The following MAGI2 variants were observed in gnomAD, a reference collection of about 807,000 sequenced individuals.
MAGI2 encodes membrane associated guanylate kinase, WW and PDZ domain containing 2, also known as membrane-associated guanylate kinase, WW and PDZ domain-containing protein 2.
Under a neutral mutation model 133.3 loss-of-function variants are expected in MAGI2, and 35 were observed. The ratio of observed to expected loss-of-function variants is 0.26; its 90% CI spans 0.20 to 0.35. The LOEUF is 0.35. MAGI2 is among the 10% of genes least tolerant of loss of function. The probability of loss-of-function intolerance (pLI) is 1.00; values close to 1 mark genes in which losing one functional copy is unlikely to be tolerated. For synonymous variants in MAGI2, 729 were observed against 710.6 expected, an observed-to-expected ratio of 1.03 and a Z score of -0.41; for missense variants, 1,636 against 1,863.4, an observed-to-expected ratio of 0.88 and a Z score of 2.25.
intron 2 of MAGI2, among the ~76,000 whole-genome samples, chr7:78,660,977 G>A (rs1812888881): frequency 6.6e-6 from 1 of 152,070 alleles, no homozygotes; most frequent in South Asian, 2.1e-4. Flanking sequence ...CTTGTTTCTT[G>A]AGACTCGTTT....
intron 10 of MAGI2, among the ~76,000 whole-genome samples, chr7:78,251,126 A>G (rs958894320): frequency 5.9e-5 from 9 of 152,204 alleles, no homozygotes; most frequent in African/African-American, 1.7e-4. Context: ...AATAAAGGAC[A>G]AAAACTACCA....
At chr7:79,189,312 CAAAAAAA>C (rs34814587) in intron 1 of MAGI2, among the ~76,000 whole-genome samples, 14 of 74,312 alleles carry the variant, frequency 1.9e-4, no homozygotes, top group South Asian at 5.3e-4. Context: ...TTTTTATAGG[CAAAAAAA>C]AAAAAAAAAA....
chr7:78,918,324 A>G (rs191020645), intron 2 of MAGI2, among the ~76,000 whole-genome samples: 9 of 152,300 alleles, frequency 5.9e-5, no homozygotes, highest in Middle Eastern at 3.4e-3. Context: ...TACCATATCT[A>G]TGATGATAAC....
rs181368484 is a variant in MAGI2, at chr7:78,837,135, A to G, written c.418+169955T>C. Among the ~76,000 whole-genome samples the G allele has an allele frequency of 1.1e-4, 17 of 152,286 alleles. No homozygotes were observed. The East Asian group carries it at 3.1e-3, about 28-fold the overall frequency. ...GTGATCAGCCTAAACAGCAGAGTCA[A>G]GATGTGGGCCTCAGCCTTGTTAACT... On this transcript the variant is annotated intron_variant, in intron 2 of 21. Coordinates refer to ENST00000354212, the MANE Select transcript of MAGI2 (RefSeq NM_012301.4).
At chr7:79,171,743 A>ATATATAT (rs1554394140) in intron 1 of MAGI2, among the ~76,000 whole-genome samples, 329 of 29,294 alleles carry the variant, frequency 0.011, 51 homozygotes, top group African/African-American at 0.015. Flanking sequence ...AATAGCCAAA[A>ATATATAT]ATATATATAT....
chr7:78,259,085 G>A (rs1258696777), intron 9 of MAGI2, among the ~76,000 whole-genome samples: 1 of 152,130 alleles, frequency 6.6e-6, no homozygotes, highest in Non-Finnish European at 1.5e-5. Context: ...TGTGATCATA[G>A]TTTTGATTTG....
intron 6 of MAGI2, among the ~76,000 whole-genome samples, chr7:78,386,428 A>G (rs570437920): frequency 6.6e-6 from 1 of 152,294 alleles, no homozygotes; most frequent in East Asian, 1.9e-4. Context: ...AATCGAAAAC[A>G]TGATGCCTGC....
chr7:78,107,388 T>C (rs1466514021), intron 20 of MAGI2, among the ~76,000 whole-genome samples: 1 of 152,146 alleles, frequency 6.6e-6, no homozygotes, highest in African/African-American at 2.4e-5. Context: ...CTGAAGAATG[T>C]CATTGGTATT....
At chr7:79,060,803 G>T (rs1813657300) in intron 1 of MAGI2, among the ~76,000 whole-genome samples, 1 of 151,968 alleles carries the variant, frequency 6.6e-6, no homozygotes, top group African/African-American at 2.4e-5. Flanking sequence ...GCTATTTTGG[G>T]CTTCATATGA....
intron 3 of MAGI2, among the ~76,000 whole-genome samples, chr7:78,601,722 G>T (rs1805229647): frequency 6.6e-6 from 1 of 152,100 alleles, no homozygotes; most frequent in African/African-American, 2.4e-5. Flanking sequence ...ACAAATCAAA[G>T]AAGTCCAAAT....
chr7:78,863,397 T>C (rs887737224), intron 2 of MAGI2, among the ~76,000 whole-genome samples: 3 of 152,056 alleles, frequency 2.0e-5, no homozygotes, highest in African/African-American at 4.8e-5. Flanking sequence ...GGGGAGCCAG[T>C]GTGTGCAGAG....
chr7:79,032,670 T>G (rs913155692), intron 1 of MAGI2, among the ~76,000 whole-genome samples: 2 of 152,020 alleles, frequency 1.3e-5, no homozygotes, highest in Non-Finnish European at 2.9e-5. Context: ...ATCTGTAGCT[T>G]TCAGGGAATC....
intron 2 of MAGI2, among the ~76,000 whole-genome samples, chr7:78,886,300 T>G (rs908129611): frequency 6.6e-6 from 1 of 152,220 alleles, no homozygotes; most frequent in Admixed American, 6.5e-5. Flanking sequence ...TAAATAGACT[T>G]TGTATTCATT....
At chr7:78,134,799 T>G (rs761097361) in intron 17 of MAGI2, 53 of 477,740 alleles carry the variant, frequency 1.1e-4, no homozygotes, top group Non-Finnish European at 1.7e-4. Context: ...CAATGTCACA[T>G]AGCTTGACCT....
chr7:79,418,574 T>C (rs1846704903), intron 1 of MAGI2, among the ~76,000 whole-genome samples: 1 of 151,994 alleles, frequency 6.6e-6, no homozygotes, highest in Admixed American at 6.6e-5. Context: ...AAGCTGTGGT[T>C]GCTGCCATCT....
intron 10 of MAGI2, among the ~76,000 whole-genome samples, chr7:78,240,028 C>A (rs1210591894): frequency 6.6e-6 from 1 of 151,608 alleles, no homozygotes; most frequent in South Asian, 2.1e-4. Context: ...TACATGTGCA[C>A]AACGTGCAGG....
intron 1 of MAGI2, among the ~76,000 whole-genome samples, chr7:79,138,917 A>G (rs1821857697): frequency 6.7e-6 from 1 of 148,282 alleles, no homozygotes; most frequent in Admixed American, 6.9e-5. Flanking sequence ...CGGAGCTTGC[A>G]GTGAGCCAAG....
chr7:79,319,061 A>T (rs1441086362), intron 1 of MAGI2, among the ~76,000 whole-genome samples: 1 of 152,176 alleles, frequency 6.6e-6, no homozygotes, highest in Non-Finnish European at 1.5e-5. Flanking sequence ...ATGTGAATCT[A>T]TTGGTATCTC....
chr7:78,103,069 T>C (rs148780197), intron 20 of MAGI2, among the ~76,000 whole-genome samples: 52 of 152,336 alleles, frequency 3.4e-4, no homozygotes, highest in African/African-American at 1.2e-3. Flanking sequence ...CATATCTACC[T>C]GTTGAAGTCC....
Sources: allele counts gnomAD v4.1 joint callset (sites outside exome capture counted in the v4.1 genomes callset), GRCh38; gene constraint gnomAD v4.1.1; transcripts MANE v1.5; gene names NCBI Gene and HGNC (gene_info 2026-07-23, HGNC 2026-07-21).